STXBP5L: variants seen among roughly 807,000 people sequenced by gnomAD.
The protein encoded by STXBP5L is syntaxin binding protein 5L.
Under a neutral mutation model 144.5 loss-of-function variants are expected in STXBP5L, and 65 were observed. That is an observed-to-expected ratio of 0.45 (90% confidence interval 0.37 to 0.55). The LOEUF (loss-of-function observed/expected upper bound fraction) is 0.55. Among genes scored for constraint, STXBP5L ranks in the 20% least tolerant of loss-of-function variants. The probability of loss-of-function intolerance (pLI) is 0.00; values close to 1 mark genes in which losing one functional copy is unlikely to be tolerated. For missense variants in STXBP5L, 1,298 were observed against 1,405.5 expected, an observed-to-expected ratio of 0.92 and a Z score of 1.22; for synonymous variants, 505 against 469.6, an observed-to-expected ratio of 1.08 and a Z score of -0.97.
At chr3:120,976,608 G>T (rs922889890) in intron 3 of STXBP5L, among the ~76,000 whole-genome samples, 2 of 151,850 alleles carry the variant, frequency 1.3e-5, no homozygotes, top group South Asian at 2.1e-4. Context: ...GTTTGCTCTT[G>T]CTTTTCTAGT....
intron 20 of STXBP5L, among the ~76,000 whole-genome samples, chr3:121,369,556 C>G (rs773196147): frequency 2.7e-5 from 4 of 150,572 alleles, no homozygotes; most frequent in African/African-American, 9.8e-5. Flanking sequence ...GTGGTGGTGT[C>G]GTGGTTCTTT....
chr3:121,029,916 C>A (rs1028234675), intron 3 of STXBP5L, among the ~76,000 whole-genome samples: 2 of 151,694 alleles, frequency 1.3e-5, no homozygotes, highest in African/African-American at 4.8e-5. Context: ...GGCCCACATA[C>A]ATATGAAAAA....
At chr3:121,071,146 G>A (rs750922654) in intron 5 of STXBP5L, among the ~76,000 whole-genome samples, 12 of 152,166 alleles carry the variant, frequency 7.9e-5, no homozygotes, top group Admixed American at 3.9e-4. Flanking sequence ...TGAAAGTGTC[G>A]GTGGCTTTAG....
intron 20 of STXBP5L, among the ~76,000 whole-genome samples, chr3:121,349,651 G>C (rs895771920): frequency 6.6e-6 from 1 of 151,826 alleles, no homozygotes; most frequent in African/African-American, 2.4e-5. Context: ...CTGTATTGGG[G>C]GCATATATAT....
chr3:121,107,913 T>C (rs1357277515), intron 5 of STXBP5L, among the ~76,000 whole-genome samples: 1 of 152,222 alleles, frequency 6.6e-6, no homozygotes, highest in Admixed American at 6.5e-5. Context: ...TAGTTCTCCT[T>C]GAAGAGCTCC....
intron 3 of STXBP5L, among the ~76,000 whole-genome samples, chr3:120,983,379 C>T (rs1393406637): frequency 1.3e-5 from 2 of 152,062 alleles, no homozygotes; most frequent in Non-Finnish European, 2.9e-5. Flanking sequence ...ACTTCTCTGT[C>T]CCACAGCAGT....
At chr3:120,979,396 C>T (rs953297131) in intron 3 of STXBP5L, among the ~76,000 whole-genome samples, 17 of 152,186 alleles carry the variant, frequency 1.1e-4, no homozygotes, top group South Asian at 4.1e-4. Context: ...TTAAGCCTGT[C>T]GGAAAAGCGC....
intron 9 of STXBP5L, among the ~76,000 whole-genome samples, chr3:121,197,965 T>C (rs779049180): frequency 3.3e-5 from 5 of 152,226 alleles, no homozygotes; most frequent in Non-Finnish European, 5.9e-5. Context: ...TATGCATGCA[T>C]GTGTCTTTAT....
intron 5 of STXBP5L, among the ~76,000 whole-genome samples, chr3:121,096,577 T>C (rs7648217): frequency 0.099 from 15,103 of 152,136 alleles, 1,183 homozygotes; most frequent in Admixed American, 0.2. Context: ...TGTTAGTTTT[T>C]CTTCCAACAG....
chr3:121,050,093 G>T (rs1473430487), intron 5 of STXBP5L, among the ~76,000 whole-genome samples: 1 of 152,164 alleles, frequency 6.6e-6, no homozygotes, highest in Non-Finnish European at 1.5e-5. Flanking sequence ...TTCACTGTGG[G>T]TGATGCTGTT....
At chr3:121,159,309 C>G (rs1487587333) in intron 9 of STXBP5L, among the ~76,000 whole-genome samples, 3 of 151,850 alleles carry the variant, frequency 2.0e-5, no homozygotes, top group Non-Finnish European at 4.4e-5. Context: ...TTTCTAATTT[C>G]TAAACATTTT....
intron 3 of STXBP5L, among the ~76,000 whole-genome samples, chr3:121,033,936 A>AGTT (rs1946567715): frequency 6.6e-6 from 1 of 152,090 alleles, no homozygotes; most frequent in Admixed American, 6.6e-5. Flanking sequence ...ACTCTTATTA[A>AGTT]AAATAGTATT....
At chr3:121,043,468 T>A (rs980834232) in intron 4 of STXBP5L, among the ~76,000 whole-genome samples, 3 of 152,064 alleles carry the variant, frequency 2.0e-5, no homozygotes, top group African/African-American at 7.2e-5. Flanking sequence ...CCTAGCACTT[T>A]GGGAAGTTAA....
intron 9 of STXBP5L, among the ~76,000 whole-genome samples, chr3:121,171,309 G>A (rs2046706940): frequency 1.3e-5 from 2 of 152,056 alleles, no homozygotes; most frequent in Admixed American, 6.6e-5. Flanking sequence ...GACAAGGATG[G>A]CATCTCTCAC....
chr3:121,199,685 T>C (rs1191293), intron 9 of STXBP5L, among the ~76,000 whole-genome samples: 15,113 of 152,154 alleles, frequency 0.099, 1,184 homozygotes, highest in Admixed American at 0.2. Flanking sequence ...AGAGTTTTTA[T>C]CATGAAAGGA....
chr3:121,345,798 A>G (rs951402837), intron 20 of STXBP5L, among the ~76,000 whole-genome samples: 1 of 152,110 alleles, frequency 6.6e-6, no homozygotes, highest in Non-Finnish European at 1.5e-5. Flanking sequence ...TTGGCTGCAT[A>G]GAAGTCTTCT....
intron 10 of STXBP5L, among the ~76,000 whole-genome samples, chr3:121,218,649 A>G (rs1357155901): frequency 1.3e-5 from 2 of 151,954 alleles, no homozygotes; most frequent in Non-Finnish European, 2.9e-5. Flanking sequence ...TTTGGCAAGG[A>G]GATGCCTGAG....
chr3:121,055,308 A>T (rs970947714), intron 5 of STXBP5L, among the ~76,000 whole-genome samples: 1 of 152,120 alleles, frequency 6.6e-6, no homozygotes, highest in Non-Finnish European at 1.5e-5. Context: ...CATTCTCCAA[A>T]ACATCTGATA....
intron 14 of STXBP5L, among the ~76,000 whole-genome samples, chr3:121,245,940 C>T (rs2049836601): frequency 6.6e-6 from 1 of 152,078 alleles, no homozygotes; most frequent in Non-Finnish European, 1.5e-5. Context: ...ACAATTGGGC[C>T]TAACAGACAT....
Sources: gnomAD v4.1 joint callset for allele counts (sites outside exome capture counted in the v4.1 genomes callset) on GRCh38, gnomAD v4.1.1 for gene constraint, MANE v1.5 for transcripts, NCBI Gene and HGNC (gene_info 2026-07-23, HGNC 2026-07-21) for gene names.